CDC45: variants seen among roughly 807,000 people sequenced by gnomAD.
The protein encoded by CDC45 is cell division cycle 45, also known as cell division control protein 45 homolog.
Under a neutral mutation model 77.8 loss-of-function variants are expected in CDC45, and 54 were observed. The observed-to-expected ratio is 0.69, with a 90% CI of 0.56 to 0.87. CDC45 has a LOEUF of 0.87. CDC45 is among the 40% of genes least tolerant of loss of function. CDC45 has a pLI of 0.00. For synonymous variants in CDC45, 260 were observed against 272.1 expected (o/e 0.96, Z 0.44); for missense variants, 649 against 721.6 (o/e 0.90, Z 1.15).
chr22:19,497,593 T>C, intron 8 of CDC45, 146 bp downstream of exon 8: 1 of 676,954 alleles, frequency 1.5e-6, no homozygotes. Flanking sequence ...ATGTGTGTGA[T>C]TTTGGTCTTT....
intron 7 of CDC45, 25 bp from the exon 8 acceptor site, chr22:19,497,361 C>T: frequency 6.2e-7 from 1 of 1,612,952 alleles, no homozygotes; most frequent in Non-Finnish European, 8.5e-7. Context: ...TCCCATGAGC[C>T]TTAGACTTCT....
Position 19,519,007 on chromosome 22 carries a change from G to A in CDC45, c.*1+98G>A, listed in dbSNP as rs1326786269. ...CCTCCCTCAACGGAGGCTTCTACTT[G>A]GGTTTCAGACCGAAGCAGGGTTCTT... On this transcript the variant is annotated intron_variant, in intron 18 of 18. Transcript: ENST00000263201. 3 of 937,858 alleles carry A rather than the reference G, an allele frequency of 3.2e-6. No homozygotes were observed. The East Asian group carries it at 7.2e-5, about 22-fold the overall frequency. The allele number at this position is 937,858 out of a possible 1,614,324, so 58.1% of individuals were successfully genotyped here.
chr22:19,514,979 C>A lies in CDC45; in HGVS notation c.1371C>A (p.Val457=). 6.2e-7 allele frequency: 1 copy of A among 1,614,210 alleles called. No homozygotes were observed. Among genetic ancestry groups the A allele is most frequent in the Non-Finnish European group, 8.5e-7 (1 of 1,180,040 alleles). Residue 457 remains valine, a synonymous_variant, in exon 15 of 19, where the codon GTC becomes GTA. Transcript: ENST00000263201. ...CGCCTCCGCAGGGCACTCCAGATGT[C>A]ATGCTGTTCTCTAGGCCGGCATCCC... ...YCSLMEGTPD[V]MLFSRPASLS... is the part of the protein sequence containing the mutation.
intron 15 of CDC45, among the ~76,000 whole-genome samples, chr22:19,515,707 G>A (rs1308527368): frequency 6.6e-6 from 1 of 152,206 alleles, no homozygotes; most frequent in Non-Finnish European, 1.5e-5. Context: ...ATAAACTAGG[G>A]ACAGAGCATG....
At chr22:19,510,939 A>G (rs1933478491) in intron 13 of CDC45, among the ~76,000 whole-genome samples, 1 of 152,210 alleles carries the variant, frequency 6.6e-6, no homozygotes, top group Admixed American at 6.5e-5. Context: ...AATTATGACT[A>G]ATGCTGCTGT....
rs2090297693 is a variant in CDC45 at position 19,499,261 on chromosome 22, G to A, written c.704+110G>A. 2.0e-5 allele frequency: 22 copies of A among 1,098,984 alleles called. 3 individuals are homozygous for A. The South Asian group carries it at 2.8e-4, about 14-fold the overall frequency. 68.1% of individuals were successfully genotyped at this position (1,098,984 alleles called of 1,614,324 possible). A position where few individuals can be genotyped will look rare whatever the true frequency, so the allele number is the denominator to read the frequency against. On this transcript the variant is annotated intron_variant, in intron 9 of 18. Coordinates refer to ENST00000263201, the MANE Select transcript of CDC45 (RefSeq NM_003504.5). ...CAGGGTCCCTGTAGGGTCCTATTGA[G>A]AAGTGAGGACTGGCCCTCCTCCTTG...
In CDC45 at chr22:19,487,738, C is replaced by G. The variant is rs188678129; in HGVS notation, c.486+3733C>G. ...ACCATCCTGCTAACACGGTGAAACC[C>G]CATCTCTACTAAAAATACAAAAAAT... On this transcript the variant is annotated intron_variant, in intron 5 of 18. Transcript: ENST00000263201. 4.9e-3 allele frequency among the ~76,000 whole-genome samples: 745 copies of G among 151,542 alleles called. 12 individuals carry two copies. The highest frequency in any genetic ancestry group is 0.017 in the African/African-American group (712 of 41,308).
chr22:19,516,762 T>C, intron 16 of CDC45, 55 bp from the exon 17 acceptor site: 1 of 718,758 alleles, frequency 1.4e-6, no homozygotes, highest in Non-Finnish European at 2.2e-6. Context: ...GGGCGGGGGG[T>C]GGGAAGGGTC....
chr22:19,485,222 C>T (rs1601924924), intron 5 of CDC45, among the ~76,000 whole-genome samples: 1 of 152,300 alleles, frequency 6.6e-6, no homozygotes, highest in East Asian at 1.9e-4. Context: ...CATTCATGTT[C>T]TACAGATAAG....
At chr22:19,504,456 C>T (rs577078975) in intron 9 of CDC45, among the ~76,000 whole-genome samples, 55 of 152,266 alleles carry the variant, frequency 3.6e-4, no homozygotes, top group African/African-American at 7.5e-4. Flanking sequence ...TGCAGCAACA[C>T]GCCCGGCTAA....
intron 5 of CDC45, among the ~76,000 whole-genome samples, chr22:19,489,999 G>A (rs780794335): frequency 2.7e-4 from 41 of 152,274 alleles, no homozygotes; most frequent in South Asian, 1.5e-3. Flanking sequence ...TCCTTTTGGT[G>A]GATTGACCCT....
rs572002204 is a variant in CDC45 at position 19,506,661 on chromosome 22, G to A, written c.825-725G>A. On this transcript the variant is annotated intron_variant, in intron 10 of 18. Coordinates refer to ENST00000263201, the MANE Select transcript of CDC45 (RefSeq NM_003504.5). ...AAGAAAAGGGCTGAGGAGGTCGGGC[G>A]CTGTGGCTCACGCCTGTAATCCCAG... Among the ~76,000 whole-genome samples the A allele has an allele frequency of 5.3e-5, 8 of 152,082 alleles. No individual in the cohort carries two copies. The East Asian group carries it at 9.7e-4, about 18-fold the overall frequency.
intron 3 of CDC45, among the ~76,000 whole-genome samples, 160 bp downstream of exon 3, chr22:19,481,205 C>T (rs536780347): frequency 2.6e-5 from 4 of 152,256 alleles, no homozygotes; most frequent in African/African-American, 4.8e-5. Context: ...TGACTTACCA[C>T]GCCCAAGTTG....
At chr22:19,516,741 T>G in intron 16 of CDC45, 76 bp from the exon 17 acceptor site, 3 of 871,248 alleles carry the variant, frequency 3.4e-6, no homozygotes, top group Non-Finnish European at 3.4e-6. Flanking sequence ...TTGCCTCTAG[T>G]GTCTGTCCTG....
chr22:19,518,973 C>A, intron 18 of CDC45, 64 bp downstream of exon 18: 1 of 1,192,940 alleles, frequency 8.4e-7, no homozygotes, highest in Non-Finnish European at 1.3e-6. Flanking sequence ...CCCTGATGCC[C>A]TGCTCTGTCC....
chr22:19,517,237 G>T (rs1933851402), intron 17 of CDC45, among the ~76,000 whole-genome samples: 1 of 152,234 alleles, frequency 6.6e-6, no homozygotes, highest in African/African-American at 2.4e-5. Context: ...GGTTGTTTCT[G>T]TTTCATGGGG....
At chr22:19,515,156 T>C in intron 15 of CDC45, 108 bp downstream of exon 15, 2 of 961,512 alleles carry the variant, frequency 2.1e-6, no homozygotes, top group East Asian at 2.6e-5. Flanking sequence ...GTTGACCAGC[T>C]GCAAGGTCTA....
intron 5 of CDC45, among the ~76,000 whole-genome samples, chr22:19,488,853 G>A (rs1228831401): frequency 6.6e-6 from 1 of 152,128 alleles, no homozygotes; most frequent in East Asian, 1.9e-4. Context: ...GTTGTAAGAA[G>A]TAATATAGAG....
Position 19,505,397 on chromosome 22 carries a change from G to T in CDC45, c.740G>T (p.Arg247Leu). ...KYVTDVGVLQ[R>L]HVSRHNHRNE... The stretch of plus-strand genomic sequence containing the variant: ...GTGACTGATGTTGGTGTCCTGCAGC[G>T]CCACGTTTCCCGCCACAACCACCGG... Residue 247 changes from arginine to leucine, a missense_variant, in exon 10 of 19, where the codon CGC becomes CTC. Coordinates refer to ENST00000263201, the MANE Select transcript of CDC45 (RefSeq NM_003504.5). 1 of 1,613,558 alleles carries T rather than the reference G, an allele frequency of 6.2e-7. No individual in the cohort carries two copies. Among genetic ancestry groups the T allele is most frequent in the Non-Finnish European group, 8.5e-7 (1 of 1,179,922 alleles).
Sources: allele counts gnomAD v4.1 joint callset (sites outside exome capture counted in the v4.1 genomes callset), GRCh38; gene constraint gnomAD v4.1.1; transcripts MANE v1.5; gene names NCBI Gene and HGNC (gene_info 2026-07-23, HGNC 2026-07-21).